IKZF1: variants seen among roughly 807,000 people sequenced by gnomAD.
The protein encoded by IKZF1 is DNA-binding protein Ikaros.
In IKZF1, 10 loss-of-function variants were observed where a neutral mutation model predicts 51.7. That is an observed-to-expected ratio of 0.19 (90% CI 0.12 to 0.33). The LOEUF (loss-of-function observed/expected upper bound fraction) is 0.33, where lower values mean the gene tolerates loss of function less well. Ranked by LOEUF, IKZF1 falls within the 10% of genes least tolerant of loss-of-function variation. The probability of loss-of-function intolerance (pLI) is 1.00; values close to 1 mark genes in which losing one functional copy is unlikely to be tolerated. For missense variants in IKZF1, 484 were observed against 707.5 expected (o/e 0.68, Z 3.58); for synonymous variants, 280 against 282.3 (o/e 0.99, Z 0.08).
intron 3 of IKZF1, among the ~76,000 whole-genome samples, chr7:50,374,578 A>G (rs1372915858): frequency 1.3e-5 from 2 of 152,216 alleles, no homozygotes; most frequent in African/African-American, 4.8e-5. Context: ...ATGGCAGAGT[A>G]CAATTAATGT....
Position 50,405,083 on chromosome 7 carries a change from TTA to T in IKZF1, c.*4458_*4459del, listed in dbSNP as rs1320301181. 1.1e-5 allele frequency: 2 copies of T among 187,820 alleles called. No individual in the cohort carries two copies. The highest frequency in any genetic ancestry group is 2.2e-5 in the Non-Finnish European group (2 of 89,086). 11.6% of individuals were successfully genotyped at this position (187,820 alleles called of 1,614,324 possible). A position where few individuals can be genotyped will look rare whatever the true frequency, so the allele number is the denominator to read the frequency against. ...CTGTCAAAATAAAATGTCTTGGAGG[TTA>T]TGACTCCTTGGTGAAACCTTCTCAC... is the stretch of plus-strand genomic sequence containing the variant. On this transcript the variant is annotated 3_prime_UTR_variant, in exon 8 of 8. Coordinates refer to ENST00000331340, the MANE Select transcript of IKZF1 (RefSeq NM_006060.6).
intron 3 of IKZF1, among the ~76,000 whole-genome samples, chr7:50,355,507 C>A (rs867102863): frequency 6.6e-6 from 1 of 152,198 alleles, no homozygotes; most frequent in Non-Finnish European, 1.5e-5. Context: ...CCACTGGAAA[C>A]CCTGTGCCCA....
At chr7:50,362,088 T>G (rs1458807216) in intron 3 of IKZF1, among the ~76,000 whole-genome samples, 1 of 152,186 alleles carries the variant, frequency 6.6e-6, no homozygotes, top group Non-Finnish European at 1.5e-5. Flanking sequence ...TTGTACTACA[T>G]GAAGAGAGAA....
At chr7:50,329,691 A>T (rs1202847014) in intron 3 of IKZF1, among the ~76,000 whole-genome samples, 2 of 152,210 alleles carry the variant, frequency 1.3e-5, no homozygotes, top group East Asian at 3.8e-4. Flanking sequence ...CTTCCTGCTT[A>T]ACACAGGAGC....
chr7:50,343,823 A>C (rs1030611983), intron 3 of IKZF1, among the ~76,000 whole-genome samples: 3 of 152,218 alleles, frequency 2.0e-5, no homozygotes, highest in Non-Finnish European at 4.4e-5. Context: ...GATTACCTTC[A>C]GAGACCCAAG....
At chr7:50,396,610 C>T (rs1440421087) in intron 7 of IKZF1, among the ~76,000 whole-genome samples, 1 of 152,126 alleles carries the variant, frequency 6.6e-6, no homozygotes, top group African/African-American at 2.4e-5. Context: ...CCTAGTAACC[C>T]TGACATTTCT....
intron 4 of IKZF1, 85 bp from the exon 5 acceptor site, chr7:50,382,455 C>T: frequency 4.8e-6 from 7 of 1,472,888 alleles, no homozygotes; most frequent in Non-Finnish European, 6.3e-6. Flanking sequence ...CACCAGGCCC[C>T]CGTGGGAAAC....
In IKZF1 at chr7:50,387,255, T is replaced by C. The variant is rs1227594585; in HGVS notation, c.590-90T>C. ...TCAAGGGTAGAATTTTTTTTTTAAC[T>C]TTTTTGGTAATAATTGTATTGCATG... On this transcript the variant is annotated intron_variant, in intron 5 of 7. Coordinates refer to ENST00000331340, the MANE Select transcript of IKZF1 (RefSeq NM_006060.6). The C allele has an allele frequency of 2.1e-6, 3 of 1,429,478 alleles. No individual in the cohort carries two copies. In the African/African-American group the frequency reaches 4.4e-5, roughly 21 times the overall value. The allele number at this position is 1,429,478 out of a possible 1,614,324, so 88.5% of individuals were successfully genotyped here.
intron 4 of IKZF1, 64 bp from the exon 5 acceptor site, chr7:50,382,476 T>C: frequency 2.0e-6 from 3 of 1,518,630 alleles, no homozygotes; most frequent in Non-Finnish European, 2.7e-6. Context: ...AACTTTCTCG[T>C]AGCATCGTCC....
chr7:50,372,040 A>G (rs1808835565), intron 3 of IKZF1, among the ~76,000 whole-genome samples: 1 of 152,222 alleles, frequency 6.6e-6, no homozygotes. Context: ...TTTATGACTA[A>G]TAGATTTCAG....
chr7:50,369,663 C>T (rs1447407140), intron 3 of IKZF1: 2 of 398,102 alleles, frequency 5.0e-6, no homozygotes, highest in Admixed American at 4.4e-5. Flanking sequence ...CCCTCAACAC[C>T]TCTTTTCTTC....
chr7:50,307,932 A>C (rs1789204321), intron 1 of IKZF1, among the ~76,000 whole-genome samples: 2 of 152,124 alleles, frequency 1.3e-5, no homozygotes, highest in Admixed American at 6.5e-5. Flanking sequence ...CTGACTGAAC[A>C]CTCATGCTGG....
intron 1 of IKZF1, among the ~76,000 whole-genome samples, chr7:50,316,464 G>A (rs781127894): frequency 2.0e-5 from 3 of 152,198 alleles, no homozygotes; most frequent in Non-Finnish European, 4.4e-5. Context: ...GCAGGCCCAC[G>A]TGCGAAAATG....
intron 7 of IKZF1, among the ~76,000 whole-genome samples, chr7:50,392,333 C>T (rs1277324108): frequency 6.6e-6 from 1 of 152,046 alleles, no homozygotes. Flanking sequence ...TGAGAAGTGT[C>T]CAGTGAAGAC....
At chr7:50,391,676 G>T in intron 6 of IKZF1, 53 bp from the exon 7 acceptor site, 1 of 1,604,850 alleles carries the variant, frequency 6.2e-7, no homozygotes, top group South Asian at 1.1e-5. Flanking sequence ...GGACGCGACT[G>T]AACCCTTTAA....
Position 50,400,040 on chromosome 7 carries a change from G to A in IKZF1, c.973G>A (p.Glu325Lys), listed in dbSNP as rs1261826984. 6.2e-7 allele frequency: 1 copy of A among 1,610,284 alleles called. No homozygotes were observed. Among genetic ancestry groups the A allele is most frequent in the Non-Finnish European group, 8.5e-7 (1 of 1,178,620 alleles). The change falls in exon 8 of 8, where the codon GAG (glutamate) becomes AAG (lysine). Residue 325 changes from glutamate to lysine, a missense_variant. Transcript: ENST00000331340. The surrounding 1 kb of genome is among the most constrained non-coding windows in gnomAD (Gnocchi z 5.4). ...INNAINYLGA[E>K]SLRPLVQTPP... The stretch of plus-strand genomic sequence containing the variant: ...CAACGCCATCAACTACCTGGGGGCC[G>A]AGTCCCTGCGCCCGCTGGTGCAGAC...
chr7:50,349,527 C>T (rs982159091), intron 3 of IKZF1, among the ~76,000 whole-genome samples: 2 of 152,130 alleles, frequency 1.3e-5, no homozygotes, highest in Non-Finnish European at 2.9e-5. Flanking sequence ...CAAGGAAGAG[C>T]AGGTTTAGCC....
intron 7 of IKZF1, chr7:50,394,118 C>T (rs1054460371): frequency 8.6e-6 from 2 of 232,386 alleles, no homozygotes; most frequent in Admixed American, 5.6e-5. Flanking sequence ...TGAGGCAAAG[C>T]GAAGATGAAA....
intron 7 of IKZF1, among the ~76,000 whole-genome samples, chr7:50,399,202 AC>A (rs1413267111): frequency 6.6e-6 from 1 of 152,086 alleles, no homozygotes; most frequent in Admixed American, 6.6e-5. Flanking sequence ...CCTACCCTCC[AC>A]CACATGTTTC....
Sources: gnomAD v4.1 joint callset for allele counts (sites outside exome capture counted in the v4.1 genomes callset) on GRCh38, gnomAD v4.1.1 for gene constraint, Gnocchi (gnomAD v3.1) non-coding constraint, MANE v1.5 for transcripts, NCBI Gene and HGNC (gene_info 2026-07-23, HGNC 2026-07-21) for gene names.